The following CACNA1F variants were observed in gnomAD, a reference collection of about 807,000 sequenced individuals.
CACNA1F encodes voltage-dependent L-type calcium channel subunit alpha-1F.
CACNA1F carries 59 observed loss-of-function variants against 143.8 expected under a neutral mutation model. The observed-to-expected ratio is 0.41, with a 90% CI of 0.33 to 0.51. The LOEUF (loss-of-function observed/expected upper bound fraction) is 0.51. Ranked by LOEUF, CACNA1F falls within the 20% of genes least tolerant of loss-of-function variation. The pLI is 0.22. For synonymous variants in CACNA1F, 643 were observed against 649.1 expected (o/e 0.99, Z 0.14); for missense variants, 1,411 against 1,647.5 (o/e 0.86, Z 2.48).
chrX:49,207,582 C>T (rs1386517792), intron 43 of CACNA1F, among the ~76,000 whole-genome samples: 2 of 109,655 alleles, frequency 1.8e-5, no homozygotes, highest in African/African-American at 3.3e-5. Flanking sequence ...AGGCATGTGC[C>T]ACCATGCTCG....
intron 34 of CACNA1F, 99 bp from the exon 35 acceptor site, chrX:49,212,088 G>A: frequency 1.2e-6 from 1 of 812,711 alleles, no homozygotes; most frequent in Non-Finnish European, 1.9e-6. Context: ...TGACAAACAG[G>A]GCATCACTGC....
At chrX:49,214,349 T>G (rs1253347919) in intron 29 of CACNA1F, 80 bp from the exon 30 acceptor site, 1 of 614,323 alleles carries the variant, frequency 1.6e-6, no homozygotes, top group East Asian at 3.3e-5. Context: ...TGGCCTGGGC[T>G]GAGACGAGTC....
Position 49,215,457 on chromosome X carries a change from A to G in CACNA1F, c.3323T>C (p.Val1108Ala), listed in dbSNP as rs1569528065. The G allele has an allele frequency of 1.7e-6, 2 of 1,192,056 alleles. No individual in the cohort carries two copies. The highest frequency in any genetic ancestry group is 2.3e-6 in the Non-Finnish European group (2 of 883,631). The change falls in exon 28 of 48, where the codon GTC becomes GCC. Residue 1108 changes from valine to alanine, a missense_variant. Around this residue, in one of 3 missense-constraint regions of CACNA1F, gnomAD observed 950 missense variants for 1,128.1 expected, o/e 0.84. Coordinates refer to ENST00000323022, the MANE Select transcript of CACNA1F (RefSeq NM_001256789.3). ...YRVEISVFFI[V>A]YIIIIAFFMM... is the part of the protein sequence containing the mutation. ...GAAGAACGCAATGATGATGATGTAG[A>G]CAATGAAGAACACTGAGATCTCCAC...
chrX:49,210,765 A>T, intron 37 of CACNA1F, 79 bp from the exon 38 acceptor site: 1 of 892,609 alleles, frequency 1.1e-6, no homozygotes, highest in Non-Finnish European at 1.6e-6. Context: ...GCTCATCACT[A>T]CCTCCTCCTA....
chrX:49,231,887 A>G lies in CACNA1F; in HGVS notation c.66T>C (p.Pro22=). The G allele has an allele frequency of 2.5e-6, 3 of 1,180,527 alleles. No homozygotes were observed. The highest frequency in any genetic ancestry group is 3.7e-5 in the South Asian group (2 of 53,885). ...CGGGGCACAGCCCCCATTCGGGACC[A>G]GGGCCTGCCCCATTGGCTGGACTGG... ...PEPSPANGAG[P]GPEWGLCPGP... is the part of the protein sequence containing the mutation. Residue 22 remains proline, a synonymous_variant, in exon 2 of 48, where the codon CCT becomes CCC. Coordinates refer to ENST00000323022, the MANE Select transcript of CACNA1F (RefSeq NM_001256789.3).
Position 49,206,597 on chromosome X carries a change from A to G in CACNA1F, c.5386T>C (p.Cys1796Arg), listed in dbSNP as rs374789196. ...AGRKPSFTIQCLQRQGSCEDL... is the reference protein window; with the variant it reads ...AGRKPSFTIQRLQRQGSCEDL... Reference sequence around the variant, plus strand: ...TCACAACTGCCCTGGCGCTGCAGACACTGGATGGTGAAGGAGGGCTTCCGA... The same window carrying G: ...TCACAACTGCCCTGGCGCTGCAGACGCTGGATGGTGAAGGAGGGCTTCCGA... The change falls in exon 46 of 48, where the codon TGT becomes CGT. Residue 1796 changes from cysteine (C) to arginine (R), a missense_variant. Coordinates refer to ENST00000323022, the MANE Select transcript of CACNA1F (RefSeq NM_001256789.3). 6.6e-6 allele frequency: 8 copies of G among 1,206,515 alleles called. No individual in the cohort carries two copies. The highest frequency in any genetic ancestry group is 3.5e-5 in the African/African-American group (2 of 56,520).
chrX:49,211,179 G>C, intron 36 of CACNA1F, 87 bp from the exon 37 acceptor site: 1 of 1,108,599 alleles, frequency 9.0e-7, no homozygotes, highest in Non-Finnish European at 1.2e-6. Flanking sequence ...GGGCTTATAT[G>C]GTCATGAGTC....
At chrX:49,210,141 A>G in intron 39 of CACNA1F, 99 bp from the exon 40 acceptor site, 2 of 692,573 alleles carry the variant, frequency 2.9e-6, no homozygotes, top group Non-Finnish European at 4.7e-6. Flanking sequence ...CTGCTACCGC[A>G]GATGCACACC....
In CACNA1F at chrX:49,209,257, C is replaced by T. The variant is rs372208718; in HGVS notation, c.4953+5G>A. 1 of 1,201,108 alleles carries T rather than the reference C, an allele frequency of 8.3e-7. No homozygotes were observed. The highest frequency in any genetic ancestry group is 1.8e-5 in the African/African-American group (1 of 57,044). On this transcript the variant is annotated splice_donor_5th_base_variant and intron_variant, in intron 42 of 47. Coordinates refer to ENST00000323022, the MANE Select transcript of CACNA1F (RefSeq NM_001256789.3). ...GTTCCTGGGAGAGTGAAAACTTGTC[C>T]CCACTTTGTTAGTTTCCAAGTCCTT...
intron 6 of CACNA1F, 56 bp downstream of exon 6, chrX:49,230,164 G>T (rs1376514735): frequency 2.8e-6 from 3 of 1,083,737 alleles, no homozygotes; most frequent in Non-Finnish European, 3.8e-6. Context: ...TGCAGCATTG[G>T]ATCTAGGAAC....
In CACNA1F at chrX:49,220,912, C is replaced by T. The variant is rs185254714; in HGVS notation, c.2334+123G>A. The T allele has an allele frequency of 6.3e-6, 4 of 631,661 alleles. No individual in the cohort carries two copies. The East Asian group carries it at 1.1e-4, about 17-fold the overall frequency. 52.1% of individuals were successfully genotyped at this position (631,661 alleles called of 1,213,427 possible). A position where few individuals can be genotyped will look rare whatever the true frequency, so the allele number is the denominator to read the frequency against. On this transcript the variant is annotated intron_variant, in intron 18 of 47. Coordinates refer to ENST00000323022, the MANE Select transcript of CACNA1F (RefSeq NM_001256789.3). Reference sequence around the variant, plus strand: ...CGAGATGGCACAACTGCACTCCAGCCTGGGCGACAGAGTGAGACTCTATCT... The same window carrying T: ...CGAGATGGCACAACTGCACTCCAGCTTGGGCGACAGAGTGAGACTCTATCT...
Position 49,206,762 on chromosome X carries a change from T to C in CACNA1F, c.5325A>G (p.Val1775=). ...TGGGGGGCAGCAGACGGCGGCGTGG[T>C]ACCAGGTGCCCATCCATGTATCTCT... ...RAQRYMDGHL[V]PRRRLLPPTP... Residue 1775 remains valine (V), a synonymous_variant, in exon 45 of 48, where the codon GTA becomes GTG. Transcript: ENST00000323022. 1 of 1,208,184 alleles carries C rather than the reference T, an allele frequency of 8.3e-7. No homozygotes were observed. The highest frequency in any genetic ancestry group is 1.7e-5 in the African/African-American group (1 of 57,865).
At chrX:49,208,716 G>C in intron 42 of CACNA1F, 32 bp from the exon 43 acceptor site, 1 of 1,179,214 alleles carries the variant, frequency 8.5e-7, no homozygotes, top group Non-Finnish European at 1.2e-6. Flanking sequence ...AGTGTTGCAT[G>C]CACTTTGTGG....
chrX:49,227,283 C>T (rs1557110289), intron 8 of CACNA1F, among the ~76,000 whole-genome samples, 156 bp from the exon 9 acceptor site: 1 of 111,849 alleles, frequency 8.9e-6, no homozygotes, highest in South Asian at 3.7e-4. Context: ...GCTTGGAATG[C>T]TTTTCCCTCA....
intron 6 of CACNA1F, among the ~76,000 whole-genome samples, chrX:49,228,767 C>T (rs2147922267): frequency 8.9e-6 from 1 of 112,171 alleles, no homozygotes; most frequent in African/African-American, 3.2e-5. Context: ...GGGGGTTTCA[C>T]CATATTGGTC....
rs1485200570 is a variant in CACNA1F, at chrX:49,222,787, A to G, written c.2137T>C (p.Tyr713His). The G allele has an allele frequency of 1.7e-6, 2 of 1,207,887 alleles. No homozygotes were observed. Among genetic ancestry groups the G allele is most frequent in the African/African-American group, 3.5e-5 (2 of 56,830 alleles). Residue 713 changes from tyrosine (Y) to histidine (H), a missense_variant, in exon 16 of 48, where the codon TAT becomes CAT. Coordinates refer to ENST00000323022, the MANE Select transcript of CACNA1F (RefSeq NM_001256789.3). ...ATTCCTGGGAAGAAGGGGCCACCAT[A>G]TGCCATGATACCATCATACATGACC... ...NVVMYDGIMA[Y>H]GGPFFPGMLV...
chrX:49,231,023 C>T, intron 3 of CACNA1F, 34 bp from the exon 4 acceptor site: 1 of 1,034,942 alleles, frequency 9.7e-7, no homozygotes, highest in Non-Finnish European at 1.3e-6. Context: ...GTCGGGAAGT[C>T]GAGGAGTTAT....
intron 43 of CACNA1F, 97 bp downstream of exon 43, chrX:49,208,418 C>T: frequency 7.1e-6 from 3 of 421,964 alleles, no homozygotes; most frequent in Non-Finnish European, 1.2e-5. Flanking sequence ...TAGGCCCTCC[C>T]TCCCACCCCC....
Position 49,215,367 on chromosome X carries a change from T to C in CACNA1F, c.3413A>G (p.Gln1138Arg). 1 of 1,210,629 alleles carries C rather than the reference T, an allele frequency of 8.3e-7. No individual in the cohort carries two copies. Among genetic ancestry groups the C allele is most frequent in the Non-Finnish European group, 1.1e-6 (1 of 895,035 alleles). Reference sequence around the variant, plus strand: ...CTGGTTCTTGTCCAGCTCACAGTTTTGGTACTCCTGCTCGCCCTGGGCACG... The same window carrying C: ...CTGGTTCTTGTCCAGCTCACAGTTTCGGTACTCCTGCTCGCCCTGGGCACG... The part of the protein sequence containing the change: ...TFRAQGEQEY[Q>R]NCELDKNQRQ... The change falls in exon 28 of 48, where the codon CAA (glutamine) becomes CGA (arginine). Residue 1138 changes from glutamine to arginine, a missense_variant. Physicochemically the swap from Gln to Arg is conservative, Grantham distance 43 (BLOSUM62 1). Coordinates refer to ENST00000323022, the MANE Select transcript of CACNA1F (RefSeq NM_001256789.3).
Sources: gnomAD v4.1 joint callset for allele counts (sites outside exome capture counted in the v4.1 genomes callset) on GRCh38, gnomAD v4.1.1 for gene constraint, gnomAD v4.1.1 regional missense constraint, MANE v1.5 for transcripts, NCBI Gene and HGNC (gene_info 2026-07-23, HGNC 2026-07-21) for gene names.